OXR1: variants seen among roughly 807,000 people sequenced by gnomAD.
OXR1 encodes the protein oxidation resistance 1.
In OXR1, 41 loss-of-function variants were observed where a neutral mutation model predicts 104.6. That is an observed-to-expected ratio of 0.39 (90% confidence interval 0.31 to 0.51). The LOEUF (loss-of-function observed/expected upper bound fraction) is 0.51. OXR1 is among the 20% of genes least tolerant of loss of function. The pLI is 0.77. For missense variants in OXR1, 955 were observed against 1,031.9 expected, an observed-to-expected ratio of 0.93 and a Z score of 1.02; for synonymous variants, 348 against 348.4, an observed-to-expected ratio of 1.00 and a Z score of 0.01.
chr8:106,714,765 T>C (rs527319223), intron 11 of OXR1, among the ~76,000 whole-genome samples: 1 of 152,268 alleles, frequency 6.6e-6, no homozygotes, highest in South Asian at 2.1e-4. Context: ...TAATCAAATT[T>C]TTTTATTCAT....
chr8:106,524,789 A>G (rs1405092558), intron 3 of OXR1, among the ~76,000 whole-genome samples: 3 of 152,136 alleles, frequency 2.0e-5, no homozygotes, highest in African/African-American at 7.2e-5. Context: ...TGTGTAATGA[A>G]TGAGGGAGGG....
At chr8:106,480,363 G>C (rs1822040701) in intron 2 of OXR1, among the ~76,000 whole-genome samples, 1 of 151,798 alleles carries the variant, frequency 6.6e-6, no homozygotes, top group Non-Finnish European at 1.5e-5. Flanking sequence ...TCAGTGTAAA[G>C]GCCTTGTGGG....
At chr8:106,299,628 T>G (rs891831652) in intron 1 of OXR1, among the ~76,000 whole-genome samples, 1 of 152,162 alleles carries the variant, frequency 6.6e-6, no homozygotes, top group African/African-American at 2.4e-5. Flanking sequence ...CATATACTCT[T>G]TCTCTTTATT....
chr8:106,345,054 A>G (rs575160156), intron 1 of OXR1, among the ~76,000 whole-genome samples: 1 of 152,310 alleles, frequency 6.6e-6, no homozygotes, highest in East Asian at 1.9e-4. Context: ...TCTGTAACTA[A>G]TTACTGTGTT....
intron 2 of OXR1, among the ~76,000 whole-genome samples, chr8:106,468,720 A>G (rs1402566037): frequency 1.3e-5 from 2 of 151,784 alleles, no homozygotes; most frequent in Admixed American, 6.6e-5. Context: ...CTGGCTCCTT[A>G]TGGCTTGGAT....
At chr8:106,608,305 C>T (rs953201522) in intron 3 of OXR1, among the ~76,000 whole-genome samples, 1 of 151,410 alleles carries the variant, frequency 6.6e-6, no homozygotes, top group African/African-American at 2.4e-5. Context: ...TCTAAAAAAG[C>T]AAAAAACAAA....
intron 2 of OXR1, among the ~76,000 whole-genome samples, chr8:106,406,726 AT>A (rs972339128): frequency 1.4e-4 from 21 of 152,090 alleles, no homozygotes; most frequent in African/African-American, 5.1e-4. Context: ...AGTACAGAGG[AT>A]TTTTAAGGGC....
In OXR1 at chr8:106,684,282, G is replaced by C; in HGVS notation, c.448G>C (p.Val150Leu). The C allele has an allele frequency of 6.2e-7, 1 of 1,608,052 alleles. No homozygotes were observed. Among genetic ancestry groups the C allele is most frequent in the Non-Finnish European group, 8.5e-7 (1 of 1,174,640 alleles). Reference sequence around the variant, plus strand: ...TCCTGATCCTGAATATGTCTCCAGTGTTGAGAGCTCTCCATCTCTAAGCCC... The same window carrying C: ...TCCTGATCCTGAATATGTCTCCAGTCTTGAGAGCTCTCCATCTCTAAGCCC... The part of the protein sequence containing the change: ...YVPDPEYVSS[V>L]ESSPSLSPVS... Residue 150 changes from valine to leucine, a missense_variant, in exon 6 of 17, where the codon GTT (valine) becomes CTT (leucine). Transcript: ENST00000517566.
intron 2 of OXR1, among the ~76,000 whole-genome samples, chr8:106,422,417 G>A (rs1240091238): frequency 6.6e-6 from 1 of 152,006 alleles, no homozygotes; most frequent in Non-Finnish European, 1.5e-5. Flanking sequence ...ATCTATTTTT[G>A]AGATAATATA....
chr8:106,518,870 A>G, intron 2 of OXR1, 73 bp from the exon 3 acceptor site: 1 of 1,181,436 alleles, frequency 8.5e-7, no homozygotes, highest in African/African-American at 1.5e-5. Context: ...AATTGTTGAA[A>G]AAAAATTATA....
At chr8:106,497,000 C>T (rs1445828197) in intron 2 of OXR1, among the ~76,000 whole-genome samples, 1 of 152,146 alleles carries the variant, frequency 6.6e-6, no homozygotes, top group Admixed American at 6.6e-5. Flanking sequence ...GATTTTTGCA[C>T]CATTCTGGGC....
In OXR1 at chr8:106,737,740, T is replaced by C. The variant is rs540138818; in HGVS notation, c.2037+140T>C. The stretch of plus-strand genomic sequence containing the variant: ...AAATTCCTTTTTGTATTAAAGGTTA[T>C]AGTATTGCCGTGAAGAGCTGTGGAT... On this transcript the variant is annotated intron_variant, in intron 12 of 16. Coordinates refer to ENST00000517566, the MANE Select transcript of OXR1 (RefSeq NM_001198533.2). 3.4e-4 allele frequency: 138 copies of C among 402,498 alleles called. 2 individuals are homozygous for C. In the Middle Eastern group the frequency reaches 7.9e-3, roughly 23 times the overall value. 24.9% of individuals were successfully genotyped at this position (402,498 alleles called of 1,614,324 possible). A position where few individuals can be genotyped will look rare whatever the true frequency, so the allele number is the denominator to read the frequency against.
chr8:106,719,820 T>A (rs1372350530), intron 11 of OXR1, among the ~76,000 whole-genome samples: 1 of 152,136 alleles, frequency 6.6e-6, no homozygotes, highest in Non-Finnish European at 1.5e-5. Flanking sequence ...ATTTTATTTT[T>A]TTTGAGATGG....
At chr8:106,674,617 T>G (rs1434220208) in intron 3 of OXR1, among the ~76,000 whole-genome samples, 1 of 152,118 alleles carries the variant, frequency 6.6e-6, no homozygotes, top group African/African-American at 2.4e-5. Flanking sequence ...AGGGGCAGAA[T>G]GATATGGTTT....
chr8:106,477,218 A>G (rs140387056), intron 2 of OXR1, among the ~76,000 whole-genome samples: 81 of 152,062 alleles, frequency 5.3e-4, no homozygotes, highest in African/African-American at 1.8e-3. Flanking sequence ...AACATGATGA[A>G]AAGTACACTA....
At chr8:106,557,289 T>G (rs1348148015) in intron 3 of OXR1, among the ~76,000 whole-genome samples, 4 of 152,208 alleles carry the variant, frequency 2.6e-5, no homozygotes, top group Admixed American at 2.0e-4. Flanking sequence ...CTTTTTAAGG[T>G]AAGCTGAAGC....
chr8:106,724,212 A>G (rs771559241), intron 11 of OXR1, among the ~76,000 whole-genome samples: 7 of 152,236 alleles, frequency 4.6e-5, no homozygotes, highest in Non-Finnish European at 2.9e-5. Context: ...GGATTATTAA[A>G]TTGAATATCT....
At chr8:106,471,468 T>TCCTTCAGTTCTC (rs1821490311) in intron 2 of OXR1, among the ~76,000 whole-genome samples, 1 of 151,744 alleles carries the variant, frequency 6.6e-6, no homozygotes, top group Non-Finnish European at 1.5e-5. Context: ...TGGCTTCATT[T>TCCTTCAGTTCTC]CCTTCAGTTC....
intron 1 of OXR1, among the ~76,000 whole-genome samples, chr8:106,325,995 A>C (rs1429606904): frequency 1.3e-5 from 2 of 152,222 alleles, no homozygotes; most frequent in Non-Finnish European, 1.5e-5. Flanking sequence ...ACATATGTAT[A>C]GTCATTAGTT....
Sources: allele counts gnomAD v4.1 joint callset (sites outside exome capture counted in the v4.1 genomes callset), GRCh38; gene constraint gnomAD v4.1.1; transcripts MANE v1.5; gene names NCBI Gene and HGNC (gene_info 2026-07-23, HGNC 2026-07-21).